Variants in ABHD17B observed in about 807,000 individuals in gnomAD.
ABHD17B encodes alpha/beta hydrolase domain-containing protein 17B.
In ABHD17B, 9 loss-of-function variants were observed where a neutral mutation model predicts 26.2. That is an observed-to-expected ratio of 0.34 (90% confidence interval 0.21 to 0.60). The LOEUF is 0.60. Ranked by LOEUF, ABHD17B falls within the 20% of genes least tolerant of loss-of-function variation. The pLI is 0.80. For synonymous variants in ABHD17B, 127 were observed against 122.3 expected (o/e 1.04, Z -0.25); for missense variants, 224 against 352.1 (o/e 0.64, Z 2.91).
At chr9:71,884,943 TA>T (rs1314665565) in intron 1 of ABHD17B, among the ~76,000 whole-genome samples, 1 of 152,212 alleles carries the variant, frequency 6.6e-6, no homozygotes, top group Non-Finnish European at 1.5e-5. Context: ...TTGTTACTAT[TA>T]CTTAGGTTTT....
At chr9:71,864,448 T>C (rs1037706223), downstream of ABHD17B, among the ~76,000 whole-genome samples, 15 of 151,984 alleles carry the variant, frequency 9.9e-5, no homozygotes, top group Non-Finnish European at 1.6e-4. Context: ...CTCGATCTCC[T>C]GACCTCGTGA....
intron 1 of ABHD17B, among the ~76,000 whole-genome samples, chr9:71,885,055 G>A (rs1826564932): frequency 6.6e-6 from 1 of 152,074 alleles, no homozygotes; most frequent in African/African-American, 2.4e-5. Flanking sequence ...AAAAAGCCTT[G>A]CAAGTTACTC....
chr9:71,900,537 G>C (rs965269571), intron 1 of ABHD17B, among the ~76,000 whole-genome samples: 1 of 151,278 alleles, frequency 6.6e-6, no homozygotes, highest in Non-Finnish European at 1.5e-5. Context: ...GTAATCCCAG[G>C]ATTACTCGGG....
At chr9:71,887,643 G>C (rs1826650069) in intron 1 of ABHD17B, among the ~76,000 whole-genome samples, 1 of 152,210 alleles carries the variant, frequency 6.6e-6, no homozygotes, top group South Asian at 2.1e-4. Context: ...CTAATGGGCA[G>C]TGCTGAACGA....
chr9:71,892,055 C>G (rs1826799009), intron 1 of ABHD17B, among the ~76,000 whole-genome samples: 1 of 152,132 alleles, frequency 6.6e-6, no homozygotes. Flanking sequence ...TCTCTTTATA[C>G]CTCATTTTCC....
chr9:71,872,006 T>C (rs1395871795), intron 2 of ABHD17B, among the ~76,000 whole-genome samples: 1 of 152,246 alleles, frequency 6.6e-6, no homozygotes, highest in Non-Finnish European at 1.5e-5. Flanking sequence ...AAGTTCATTA[T>C]TTATTTTCTC....
chr9:71,890,107 AAAATAAATAAATAAAT>A (rs10529849), intron 1 of ABHD17B, among the ~76,000 whole-genome samples: 5 of 150,812 alleles, frequency 3.3e-5, no homozygotes, highest in Non-Finnish European at 2.9e-5. Flanking sequence ...ACTAAAAATA[AAAATAAATAAATAAAT>A]AAATAAATAA....
chr9:71,899,272 G>A (rs1315197452), intron 1 of ABHD17B, among the ~76,000 whole-genome samples: 1 of 152,234 alleles, frequency 6.6e-6, no homozygotes, highest in East Asian at 1.9e-4. Flanking sequence ...GCCAAGTAAT[G>A]CAACTGGGGA....
In ABHD17B at chr9:71,908,275, C is replaced by G. The variant is rs143852781; in HGVS notation, c.-4+2359G>C. On this transcript the variant is annotated intron_variant, in intron 1 of 3. Transcript: ENST00000333421. Reference sequence around the variant, plus strand: ...GGAGTGGTGGCGGGTGCCCGTAATCCCAGCTACTCAGGAGGCTGAGGCAGA... The same window carrying G: ...GGAGTGGTGGCGGGTGCCCGTAATCGCAGCTACTCAGGAGGCTGAGGCAGA... 4.8e-3 allele frequency among the ~76,000 whole-genome samples: 729 copies of G among 151,924 alleles called. 6 individuals carry two copies. The highest frequency in any genetic ancestry group is 0.016 in the African/African-American group (682 of 41,446).
intron 1 of ABHD17B, among the ~76,000 whole-genome samples, chr9:71,894,087 C>CAAAAAAAAAAAAAAAAAAAAAAAA (rs1180729763): frequency 1.9e-5 from 1 of 52,306 alleles, no homozygotes; most frequent in African/African-American, 8.6e-5. Flanking sequence ...GACTCTATCT[C>CAAAAAAAAAAAAAAAAAAAAAAAA]AAAAAAAAAA....
At chr9:71,876,773 G>C (rs570732019) in intron 1 of ABHD17B, among the ~76,000 whole-genome samples, 1 of 152,240 alleles carries the variant, frequency 6.6e-6, no homozygotes, top group East Asian at 1.9e-4. Context: ...ATAATGCTCA[G>C]TATAAATGTG....
In ABHD17B at chr9:71,865,560, C is replaced by T. The variant is rs1455523677; in HGVS notation, c.*1227G>A. On this transcript the variant is annotated 3_prime_UTR_variant, in exon 4 of 4. Transcript: ENST00000333421. The stretch of plus-strand genomic sequence containing the variant: ...AGATAGTAATCCAAAACAATAGGTC[C>T]TATTTTTAAAAATAGCTAAAGTGGG... 3 of 985,058 alleles carry T rather than the reference C, an allele frequency of 3.0e-6. No individual in the cohort carries two copies. Among genetic ancestry groups the T allele is most frequent in the African/African-American group, 1.7e-5 (1 of 57,162 alleles). The allele number at this position is 985,058 out of a possible 1,614,324, so 61.0% of individuals were successfully genotyped here. A position where few individuals can be genotyped will look rare whatever the true frequency, so the allele number is the denominator to read the frequency against.
At chr9:71,909,737 T>C (rs1377478593) in intron 1 of ABHD17B, among the ~76,000 whole-genome samples, 1 of 152,178 alleles carries the variant, frequency 6.6e-6, no homozygotes, top group East Asian at 1.9e-4. Flanking sequence ...ACAGCGAAAT[T>C]TAAAGGTCAC....
chr9:71,900,669 A>C (rs1827108487), intron 1 of ABHD17B, among the ~76,000 whole-genome samples: 1 of 151,512 alleles, frequency 6.6e-6, no homozygotes, highest in Non-Finnish European at 1.5e-5. Flanking sequence ...AAAAAAAAAA[A>C]AAAAGTCAAA....
Position 71,874,735 on chromosome 9 carries a change from AT to A in ABHD17B, c.345del (p.Ser116HisfsTer49). On this transcript the variant is annotated frameshift_variant, in exon 2 of 4. Coordinates refer to ENST00000333421, the MANE Select transcript of ABHD17B (RefSeq NM_001025780.3). LOFTEE classifies it high-confidence loss of function. The part of the protein sequence containing the change: ...GQMSSFYIGL[G>X]SRINCNIFSY... Reference sequence around the variant, plus strand: ...GAGAATATATTACAATTAATCCGTGATCCTAGTCCTATGTAAAAGCTGCTCA... The same window carrying A: ...GAGAATATATTACAATTAATCCGTGACCTAGTCCTATGTAAAAGCTGCTCA... The A allele has an allele frequency of 6.2e-7, 1 of 1,614,212 alleles. No individual in the cohort carries two copies. The highest frequency in any genetic ancestry group is 8.5e-7 in the Non-Finnish European group (1 of 1,180,026).
At chr9:71,892,148 T>C (rs1826802800) in intron 1 of ABHD17B, among the ~76,000 whole-genome samples, 1 of 152,208 alleles carries the variant, frequency 6.6e-6, no homozygotes, top group South Asian at 2.1e-4. Flanking sequence ...TCTCATAAGC[T>C]TCAGATACAA....
At chr9:71,893,532 C>T (rs1025115412) in intron 1 of ABHD17B, among the ~76,000 whole-genome samples, 1 of 152,190 alleles carries the variant, frequency 6.6e-6, no homozygotes, top group African/African-American at 2.4e-5. Flanking sequence ...GAAGGGGATG[C>T]CACCCTCCAT....
intron 1 of ABHD17B, among the ~76,000 whole-genome samples, chr9:71,890,304 A>G (rs1304049831): frequency 6.6e-6 from 1 of 151,904 alleles, no homozygotes; most frequent in Non-Finnish European, 1.5e-5. Context: ...ACACACACAC[A>G]CACGAAAGAC....
intron 1 of ABHD17B, among the ~76,000 whole-genome samples, chr9:71,903,324 A>G (rs972933598): frequency 6.6e-6 from 1 of 152,162 alleles, no homozygotes; most frequent in African/African-American, 2.4e-5. Flanking sequence ...CATAACTAAA[A>G]TATTAATTGC....
Sources: gnomAD v4.1 joint callset for allele counts (sites outside exome capture counted in the v4.1 genomes callset) on GRCh38, gnomAD v4.1.1 for gene constraint, MANE v1.5 for transcripts, NCBI Gene and HGNC (gene_info 2026-07-23, HGNC 2026-07-21) for gene names.